The following OTOP2 variants were observed in gnomAD, a reference collection of about 807,000 sequenced individuals.
OTOP2 encodes the protein proton channel OTOP2.
Under a neutral mutation model 47.4 loss-of-function variants are expected in OTOP2, and 41 were observed. The observed-to-expected ratio is 0.87, with a 90% CI of 0.67 to 1.12. OTOP2 has a LOEUF of 1.12. OTOP2 is among the 50% of genes most tolerant of loss of function. The pLI is 0.00. For missense variants in OTOP2, 721 were observed against 752.2 expected, an observed-to-expected ratio of 0.96 and a Z score of 0.49; for synonymous variants, 328 against 319.6, an observed-to-expected ratio of 1.03 and a Z score of -0.28.
chr17:74,931,645 C>T (rs2039060039), intron 6 of OTOP2, among the ~76,000 whole-genome samples: 2 of 152,130 alleles, frequency 1.3e-5, no homozygotes, highest in African/African-American at 4.8e-5. Context: ...TCCCTAGTGA[C>T]TCAGCAAAGA....
chr17:74,925,075 C>T (rs1044427814), intron 2 of OTOP2, 130 bp downstream of exon 2: 44 of 1,196,388 alleles, frequency 3.7e-5, no homozygotes, highest in Non-Finnish European at 5.0e-5. Context: ...CCAGGAGGAC[C>T]GGAGGGTGAA....
chr17:74,932,321 T>G (rs920067622), intron 6 of OTOP2, among the ~76,000 whole-genome samples: 1 of 152,174 alleles, frequency 6.6e-6, no homozygotes, highest in African/African-American at 2.4e-5. Flanking sequence ...TTCTACCCCA[T>G]GAAATCCTAC....
rs2039073909 is a variant in OTOP2 at position 74,933,081 on chromosome 17, TC to T, written c.1519-290del. Among the ~76,000 whole-genome samples the T allele has an allele frequency of 6.6e-6, 1 of 150,628 alleles. No homozygotes were observed. Among genetic ancestry groups the T allele is most frequent in the South Asian group, 2.1e-4 (1 of 4,718 alleles). ...TCTTCTAGAGAAACCTCTTCTCCCCTCCCCAATCCCACATTGAGGCCCTGCT... is the reference window on the plus strand; with the variant it reads ...TCTTCTAGAGAAACCTCTTCTCCCCTCCCAATCCCACATTGAGGCCCTGCT... On this transcript the variant is annotated intron_variant, in intron 6 of 6. Transcript: ENST00000331427. The surrounding 1 kb of genome is among the most constrained non-coding windows in gnomAD (Gnocchi z 4.7).
intron 5 of OTOP2, among the ~76,000 whole-genome samples, chr17:74,929,746 C>T (rs2039038536): frequency 6.6e-6 from 1 of 152,186 alleles, no homozygotes; most frequent in African/African-American, 2.4e-5. Context: ...TTACTGAGCA[C>T]TGATGTGTCC....
rs372445915 is a variant in OTOP2, at chr17:74,930,729, G to A, written c.1094G>A (p.Arg365His). Residue 365 changes from arginine (R) to histidine (H), a missense_variant, in exon 6 of 7, where the codon CGC becomes CAC. By Grantham distance (29) the Arg-to-His change is conservative. Coordinates refer to ENST00000331427, the MANE Select transcript of OTOP2 (RefSeq NM_178160.3). The surrounding 1 kb of genome is among the most constrained non-coding windows in gnomAD (Gnocchi z 4.0). ...ATGGACCACCATAAGAACCCCACGCGCACTCTGGACGTGGCCCTGCTGATG... is the reference window on the plus strand; with the variant it reads ...ATGGACCACCATAAGAACCCCACGCACACTCTGGACGTGGCCCTGCTGATG... ...RAMDHHKNPTRTLDVALLMGA... is the reference protein window; with the variant it reads ...RAMDHHKNPTHTLDVALLMGA... 84 of 1,613,908 alleles carry A rather than the reference G, an allele frequency of 5.2e-5. No individual in the cohort carries two copies. The Middle Eastern group carries it at 8.2e-4, about 16-fold the overall frequency.
rs1412273622 is a variant in OTOP2 at position 74,924,399 on chromosome 17, G to C, written c.-34+66G>C. Reference sequence around the variant, plus strand: ...GGGGACCTTGGAGGGGTCCAACCGGGTGCTGCCGCTTCTCCTTTCTTCCCA... The same window carrying C: ...GGGGACCTTGGAGGGGTCCAACCGGCTGCTGCCGCTTCTCCTTTCTTCCCA... On this transcript the variant is annotated intron_variant, in intron 1 of 6. Coordinates refer to ENST00000331427, the MANE Select transcript of OTOP2 (RefSeq NM_178160.3). The surrounding 1 kb of genome is among the most constrained non-coding windows in gnomAD (Gnocchi z 7.7). 1.1e-5 allele frequency: 6 copies of C among 540,504 alleles called. No homozygotes were observed. Among genetic ancestry groups the C allele is most frequent in the Non-Finnish European group, 3.2e-6 (1 of 313,004 alleles). The allele number at this position is 540,504 out of a possible 1,614,324, so 33.5% of individuals were successfully genotyped here.
chr17:74,927,279 C>G lies in OTOP2; in HGVS notation c.507C>G (p.Thr169=), dbSNP rs757812966. 6 of 1,612,200 alleles carry G rather than the reference C, an allele frequency of 3.7e-6. No individual in the cohort carries two copies. The highest frequency in any genetic ancestry group is 4.2e-6 in the Non-Finnish European group (5 of 1,178,594). Residue 169 remains threonine (T), a splice_region_variant and synonymous_variant, in exon 4 of 7, where the codon ACC becomes ACG. Coordinates refer to ENST00000331427, the MANE Select transcript of OTOP2 (RefSeq NM_178160.3). ...KDCVHVHLDL[T]WCGLMFTLTT... Reference sequence around the variant, plus strand: ...GCGTTCACGTCCACCTGGATCTGACCTGGTGAGAACTGCAGCTCGATGCCT... The same window carrying G: ...GCGTTCACGTCCACCTGGATCTGACGTGGTGAGAACTGCAGCTCGATGCCT...
In OTOP2 at chr17:74,930,469, C is replaced by T; in HGVS notation, c.834C>T (p.Thr278=). 6.2e-7 allele frequency: 1 copy of T among 1,614,128 alleles called. No individual in the cohort carries two copies. Among genetic ancestry groups the T allele is most frequent in the Non-Finnish European group, 8.5e-7 (1 of 1,179,962 alleles). The part of the protein sequence containing the change: ...FLASTPGHSH[T]PTPVSLFRET... ...CCTCCACCCCTGGCCACAGCCACAC[C>T]CCAACCCCTGTCAGCCTCTTCCGGG... The change falls in exon 6 of 7, where the codon ACC becomes ACT. Residue 278 remains threonine (T), a synonymous_variant. Coordinates refer to ENST00000331427, the MANE Select transcript of OTOP2 (RefSeq NM_178160.3). This position sits in a 1 kb window ranked among gnomAD's most constrained non-coding sequence, Gnocchi z 4.0.
At chr17:74,929,051 G>T (rs2039033353) in intron 5 of OTOP2, among the ~76,000 whole-genome samples, 1 of 152,194 alleles carries the variant, frequency 6.6e-6, no homozygotes, top group Non-Finnish European at 1.5e-5. Context: ...CGTTGACTCT[G>T]CCCTTACAAG....
chr17:74,931,184 T>C, intron 6 of OTOP2, 31 bp downstream of exon 6: 1 of 1,553,626 alleles, frequency 6.4e-7, no homozygotes. Flanking sequence ...AGGGTGGGCT[T>C]GGGAGAAGAG....
intron 3 of OTOP2, among the ~76,000 whole-genome samples, chr17:74,926,059 T>C (rs1003058076): frequency 1.3e-5 from 2 of 152,246 alleles, no homozygotes; most frequent in Admixed American, 6.5e-5. Context: ...GCCAGCTTGG[T>C]CCCTCTGTGC....
In OTOP2 at chr17:74,924,891, T is replaced by A. The variant is rs1419872390; in HGVS notation, c.259T>A (p.Cys87Ser). Reference protein sequence around the residue: ...ILFYLLRTVRCPCAVPYRDAH... With the variant: ...ILFYLLRTVRSPCAVPYRDAH... ...CTTCTACCTCCTCCGAACCGTGCGC[T>A]GCCCCTGCGCGGTACCCTACCGGGA... Residue 87 changes from cysteine to serine, a missense_variant, in exon 2 of 7, where the codon TGC (cysteine) becomes AGC (serine). Coordinates refer to ENST00000331427, the MANE Select transcript of OTOP2 (RefSeq NM_178160.3). This position sits in a 1 kb window ranked among gnomAD's most constrained non-coding sequence, Gnocchi z 7.7. The A allele has an allele frequency of 6.3e-7, 1 of 1,596,908 alleles. No homozygotes were observed. Among genetic ancestry groups the A allele is most frequent in the South Asian group, 1.1e-5 (1 of 88,398 alleles).
In OTOP2 at chr17:74,930,251, T is replaced by C; in HGVS notation, c.644-28T>C. The C allele has an allele frequency of 1.9e-6, 3 of 1,593,330 alleles. No homozygotes were observed. The highest frequency in any genetic ancestry group is 2.6e-6 in the Non-Finnish European group (3 of 1,165,264). On this transcript the variant is annotated intron_variant, in intron 5 of 6. Transcript: ENST00000331427. This position sits in a 1 kb window ranked among gnomAD's most constrained non-coding sequence, Gnocchi z 4.0. Reference sequence around the variant, plus strand: ...CCTCTCTAGGAAGGCAGGAGGGCTGTCCAGCCCTGTGTCTCTCTCCACAAC... The same window carrying C: ...CCTCTCTAGGAAGGCAGGAGGGCTGCCCAGCCCTGTGTCTCTCTCCACAAC...
chr17:74,927,531 T>C, intron 4 of OTOP2, 134 bp from the exon 5 acceptor site: 1 of 1,317,654 alleles, frequency 7.6e-7, no homozygotes, highest in South Asian at 1.4e-5. Flanking sequence ...CAGGCTGTGT[T>C]CCTACCAAAA....
At chr17:74,929,800 T>A (rs950716796) in intron 5 of OTOP2, among the ~76,000 whole-genome samples, 14 of 152,146 alleles carry the variant, frequency 9.2e-5, no homozygotes, top group South Asian at 4.1e-4. Context: ...ATTTGTGAAG[T>A]GAAGGAGTGT....
chr17:74,931,277 C>G, intron 6 of OTOP2, 124 bp downstream of exon 6: 4 of 1,329,352 alleles, frequency 3.0e-6, no homozygotes, highest in Non-Finnish European at 3.0e-6. Flanking sequence ...TTACAGCTCT[C>G]TAGGAAAGGA....
Position 74,930,661 on chromosome 17 carries a change from C to G in OTOP2, c.1026C>G (p.Val342=). 1 of 1,614,080 alleles carries G rather than the reference C, an allele frequency of 6.2e-7. No individual in the cohort carries two copies. Among genetic ancestry groups the G allele is most frequent in the Non-Finnish European group, 8.5e-7 (1 of 1,180,010 alleles). The change falls in exon 6 of 7, where the codon GTC becomes GTG. Residue 342 remains valine, a synonymous_variant. Coordinates refer to ENST00000331427, the MANE Select transcript of OTOP2 (RefSeq NM_178160.3). The surrounding 1 kb of genome is among the most constrained non-coding windows in gnomAD (Gnocchi z 4.0). Reference sequence around the variant, plus strand: ...TCTGCTTGGGACTCACCACCTTGGTCAGCCTGAGCGGCTCCATCATCTACC... The same window carrying G: ...TCTGCTTGGGACTCACCACCTTGGTGAGCCTGAGCGGCTCCATCATCTACC... The part of the protein sequence containing the change: ...NIVCLGLTTL[V]SLSGSIIYRF...
rs775522602 is a variant in OTOP2, at chr17:74,931,091, AGCCAGTGGAGAC to A, written c.1464_1475del (p.Trp488_Gln491del). ...AGTGGCCATCGTCTCAACCCCCAGAAGCCAGTGGAGACGCCAGTGCCTAAAAGACATTTCTCT... is the reference window on the plus strand; with the variant it reads ...AGTGGCCATCGTCTCAACCCCCAGAAGCCAGTGCCTAAAAGACATTTCTCT... On this transcript the variant is annotated inframe_deletion, in exon 6 of 7. Transcript: ENST00000331427. 1.2e-6 allele frequency: 2 copies of A among 1,613,800 alleles called. No homozygotes were observed. Among genetic ancestry groups the A allele is most frequent in the African/African-American group, 1.3e-5 (1 of 75,024 alleles).
Position 74,933,377 on chromosome 17 carries a change from G to T in OTOP2, c.1521G>T (p.Leu507=). 6.2e-7 allele frequency: 1 copy of T among 1,607,832 alleles called. No homozygotes were observed. Among genetic ancestry groups the T allele is most frequent in the African/African-American group, 1.3e-5 (1 of 75,006 alleles). ...GAAATGCTCCTCTCTCCACACAGCT[G>T]TGGATCATGCCTGCCTTCGGGGCCC... ...SLFLLLCNVI[L]WIMPAFGARP... Residue 507 remains leucine, a splice_region_variant and synonymous_variant, in exon 7 of 7, where the codon CTG becomes CTT. Transcript: ENST00000331427. This position sits in a 1 kb window ranked among gnomAD's most constrained non-coding sequence, Gnocchi z 4.7.
Sources: allele counts gnomAD v4.1 joint callset (sites outside exome capture counted in the v4.1 genomes callset), GRCh38; gene constraint gnomAD v4.1.1; non-coding constraint Gnocchi (gnomAD v3.1); transcripts MANE v1.5; gene names NCBI Gene and HGNC (gene_info 2026-07-23, HGNC 2026-07-21).